Variants in RSF1 observed in about 807,000 individuals in gnomAD.
RSF1 encodes the protein HBV pX-associated protein 8.
RSF1 carries 13 observed loss-of-function variants against 145.2 expected under a neutral mutation model. The ratio of observed to expected loss-of-function variants is 0.09; its 90% confidence interval spans 0.06 to 0.14. RSF1 has a LOEUF of 0.14. RSF1 is among the 10% of genes least tolerant of loss of function. The pLI is 1.00. For missense variants in RSF1, 1,517 were observed against 1,718.2 expected (o/e 0.88, Z 2.07); for synonymous variants, 577 against 592.6 (o/e 0.97, Z 0.38).
the RSF1 span, chr11:77,842,637 T>A: frequency 1.2e-6 from 2 of 1,613,366 alleles, no homozygotes; most frequent in African/African-American, 1.3e-5. Flanking sequence ...AGGTAAGATA[T>A]TAGTCTTTGG....
chr11:77,782,047 GT>G (rs970587994), intron 1 of RSF1, among the ~76,000 whole-genome samples: 2 of 152,128 alleles, frequency 1.3e-5, no homozygotes, highest in African/African-American at 4.8e-5. Context: ...CTTATGATGA[GT>G]TTTGAGTATC....
At chr11:77,814,208 A>AAAAAAAAG in intron 1 of RSF1, among the ~76,000 whole-genome samples, 1 of 148,052 alleles carries the variant, frequency 6.8e-6, no homozygotes, top group Non-Finnish European at 1.5e-5. Context: ...AAAAAAAAAA[A>AAAAAAAAG]AAGTTTTGGC....
At chr11:77,742,967 CA>C (rs991123586) in intron 3 of RSF1, among the ~76,000 whole-genome samples, 2 of 152,120 alleles carry the variant, frequency 1.3e-5, no homozygotes, top group African/African-American at 4.8e-5. Context: ...TGTGGATGAC[CA>C]GTTTTCCCAG....
chr11:77,731,498 C>G (rs563075696), intron 4 of RSF1, among the ~76,000 whole-genome samples: 1 of 152,276 alleles, frequency 6.6e-6, no homozygotes, highest in South Asian at 2.1e-4. Context: ...AAACAAGAAG[C>G]CAAATGTTAT....
At chr11:77,806,695 G>C (rs1040466062) in intron 1 of RSF1, among the ~76,000 whole-genome samples, 3 of 151,054 alleles carry the variant, frequency 2.0e-5, no homozygotes, top group African/African-American at 7.3e-5. Context: ...TAAAGAGAAA[G>C]AAAGAAAGGA....
the RSF1 span, among the ~76,000 whole-genome samples, chr11:77,865,837 A>G: frequency 2.0e-5 from 3 of 152,192 alleles, no homozygotes; most frequent in African/African-American, 7.2e-5. Context: ...TCTTTTGTGT[A>G]TTCTAAAACA....
chr11:77,665,776 GCACACACACAAACA>G lies in RSF1; in HGVS notation c.*1127_*1140del, dbSNP rs1369412243. 2 of 151,344 alleles carry G rather than the reference GCACACACACAAACA, an allele frequency of 1.3e-5. No individual in the cohort carries two copies. The highest frequency in any genetic ancestry group is 2.9e-5 in the Non-Finnish European group (2 of 67,820). 9.4% of individuals were successfully genotyped at this position (151,344 alleles called of 1,614,324 possible). A position where few individuals can be genotyped will look rare whatever the true frequency, so the allele number is the denominator to read the frequency against. On this transcript the variant is annotated 3_prime_UTR_variant, in exon 16 of 16. Coordinates refer to ENST00000308488, the MANE Select transcript of RSF1 (RefSeq NM_016578.4). Reference sequence around the variant, plus strand: ...TTCCAACACACACACACACGCACACGCACACACACAAACACACACACACGCTAAAACTCAAACTA... The same window carrying G: ...TTCCAACACACACACACACGCACACGCACACACACGCTAAAACTCAAACTA...
At chr11:77,788,085 T>C (rs1306713040) in intron 1 of RSF1, among the ~76,000 whole-genome samples, 1 of 123,192 alleles carries the variant, frequency 8.1e-6, no homozygotes, top group Non-Finnish European at 1.6e-5. Context: ...AAGGCTGCAG[T>C]GAGCCAAGAT....
At chr11:77,738,546 T>C (rs1051822248) in intron 4 of RSF1, 1 of 152,228 alleles carries the variant, frequency 6.6e-6, no homozygotes, top group African/African-American at 2.4e-5. Context: ...CAGTGCCCCA[T>C]GGATACCAAG....
At chr11:77,750,386 G>C (rs1210444659) in intron 2 of RSF1, among the ~76,000 whole-genome samples, 1 of 152,116 alleles carries the variant, frequency 6.6e-6, no homozygotes, top group African/African-American at 2.4e-5. Context: ...AAATGAACAG[G>C]CATGGCTGTA....
At chr11:77,753,883 C>G (rs1948089455) in intron 2 of RSF1, among the ~76,000 whole-genome samples, 1 of 152,196 alleles carries the variant, frequency 6.6e-6, no homozygotes, top group South Asian at 2.1e-4. Flanking sequence ...TGTGGCCCCA[C>G]CCAGCAACGA....
In RSF1 at chr11:77,718,693, C is replaced by A. The variant is rs1264822577; in HGVS notation, c.733+6852G>T. ...GAAAACAGATAGCTTTTTCTCCACA[C>A]ACACAGAGAAGAGAGTCATTTGCAA... On this transcript the variant is annotated intron_variant, in intron 5 of 15. Coordinates refer to ENST00000308488, the MANE Select transcript of RSF1 (RefSeq NM_016578.4). 3.9e-5 allele frequency among the ~76,000 whole-genome samples: 6 copies of A among 152,286 alleles called. No individual in the cohort carries two copies. In the South Asian group the frequency reaches 1.2e-3, roughly 32 times the overall value.
intron 2 of RSF1, among the ~76,000 whole-genome samples, chr11:77,752,827 C>CAT (rs1948077870): frequency 6.6e-6 from 1 of 152,080 alleles, no homozygotes; most frequent in Non-Finnish European, 1.5e-5. Context: ...AGGAAGTCGG[C>CAT]ACAAGATAAA....
chr11:77,834,372 T>C, the RSF1 span, among the ~76,000 whole-genome samples: 7 of 151,182 alleles, frequency 4.6e-5, no homozygotes, highest in African/African-American at 1.5e-4. Context: ...GATTTTATTA[T>C]CAAACTGAGA....
chr11:77,711,212 A>G (rs1960675012), intron 5 of RSF1, among the ~76,000 whole-genome samples: 1 of 151,508 alleles, frequency 6.6e-6, no homozygotes, highest in South Asian at 2.1e-4. Context: ...AACCTTTTCT[A>G]GCTTACCTAT....
intron 11 of RSF1, among the ~76,000 whole-genome samples, chr11:77,679,236 A>G (rs1353212325): frequency 6.6e-6 from 1 of 152,266 alleles, no homozygotes; most frequent in Non-Finnish European, 1.5e-5. Context: ...AAACATTTAT[A>G]AAAACCACTT....
chr11:77,781,563 G>T (rs558427990), intron 1 of RSF1, among the ~76,000 whole-genome samples: 1 of 152,328 alleles, frequency 6.6e-6, no homozygotes, highest in South Asian at 2.1e-4. Context: ...TTTTGCCAAT[G>T]TAAGTTGTAC....
chr11:77,677,156 A>C (rs1959730540), intron 12 of RSF1, 157 bp from the exon 13 acceptor site: 1 of 622,332 alleles, frequency 1.6e-6, no homozygotes, highest in African/African-American at 1.8e-5. Flanking sequence ...TTCAGCTGAC[A>C]GAGGTCTCAG....
chr11:77,674,209 C>CA (rs1177030586), intron 14 of RSF1, among the ~76,000 whole-genome samples: 7 of 151,154 alleles, frequency 4.6e-5, no homozygotes, highest in Admixed American at 6.6e-5. Context: ...TAAATAAAAC[C>CA]AAAAAAAACC....
Sources: allele counts gnomAD v4.1 joint callset (sites outside exome capture counted in the v4.1 genomes callset), GRCh38; gene constraint gnomAD v4.1.1; transcripts MANE v1.5; gene names NCBI Gene and HGNC (gene_info 2026-07-23, HGNC 2026-07-21).